Variants in ULK1 observed in about 807,000 individuals in gnomAD.
ULK1 encodes the protein serine/threonine-protein kinase ULK1.
Under a neutral mutation model 117.5 loss-of-function variants are expected in ULK1, and 48 were observed. The observed-to-expected ratio is 0.41, with a 90% CI of 0.32 to 0.52. The LOEUF (loss-of-function observed/expected upper bound fraction) is 0.52. ULK1 is among the 20% of genes least tolerant of loss of function. The pLI, the probability that ULK1 is intolerant of heterozygous loss-of-function variation, is 0.29. For missense variants in ULK1, 1,387 were observed against 1,473.4 expected (o/e 0.94, Z 0.96); for synonymous variants, 790 against 637.8 (o/e 1.24, Z -3.60).
At chr12:131,916,831 T>C (rs1360078581) in intron 20 of ULK1, 122 bp from the exon 21 acceptor site, 8 of 1,018,536 alleles carry the variant, frequency 7.9e-6, no homozygotes, top group Non-Finnish European at 1.1e-5. Context: ...CAGGAGCGCC[T>C]GCCTCTCGAG....
At chr12:131,905,425 T>C (rs1593262506) in intron 3 of ULK1, among the ~76,000 whole-genome samples, 1 of 151,574 alleles carries the variant, frequency 6.6e-6, no homozygotes, top group African/African-American at 2.4e-5. Flanking sequence ...CGCTGAGGGG[T>C]GTTCCTCCTG....
At position 131,902,777 on chromosome 12, in the gene ULK1, C is replaced by A. The variant is rs1889136507; in HGVS notation, c.247-4115C>A. 6.6e-6 allele frequency among the ~76,000 whole-genome samples: 1 copy of A among 152,060 alleles called. No homozygotes were observed. Among genetic ancestry groups the A allele is most frequent in the South Asian group, 2.1e-4 (1 of 4,828 alleles). ...ACTGTGTGTGTCACCACGGGACGGA[C>A]CCCCGGACCCTGTCTTGGGAGGCGA... On this transcript the variant is annotated intron_variant, in intron 3 of 27. Coordinates refer to ENST00000321867, the MANE Select transcript of ULK1 (RefSeq NM_003565.4). The surrounding 1 kb of genome is among the most constrained non-coding windows in gnomAD (Gnocchi z 6.3).
At position 131,920,103 on chromosome 12, in the gene ULK1, C is replaced by G. The variant is rs746124897; in HGVS notation, c.2928C>G (p.Ala976=). ...RLLDRIHSIT[A]ERLIFSHAVQ... ...TGGACCGCATTCACAGCATCACTGC[C>G]GAGAGGCTCATCTTCAGCCACGCTG... Residue 976 remains alanine (A), a synonymous_variant, in exon 26 of 28, where the codon GCC becomes GCG. Transcript: ENST00000321867. 1.9e-6 allele frequency: 3 copies of G among 1,612,686 alleles called. No individual in the cohort carries two copies. Among genetic ancestry groups the G allele is most frequent in the African/African-American group, 2.7e-5 (2 of 74,948 alleles).
rs541333651 is a variant in ULK1 at position 131,922,016 on chromosome 12, G to C, written c.*655G>C. On this transcript the variant is annotated 3_prime_UTR_variant, in exon 28 of 28. Coordinates refer to ENST00000321867, the MANE Select transcript of ULK1 (RefSeq NM_003565.4). ...ACCTCAGCGGGAGAACTGGCTCCGG[G>C]GGGAGTGGGGCCCTGCGCTAGAGGC... 3 of 454,776 alleles carry C rather than the reference G, an allele frequency of 6.6e-6. No individual in the cohort carries two copies. The highest frequency in any genetic ancestry group is 1.6e-5 in the South Asian group (1 of 64,488). 28.2% of individuals were successfully genotyped at this position (454,776 alleles called of 1,614,324 possible).
rs774901552 is a variant in ULK1, at chr12:131,919,197, G to A, written c.2512-15G>A. The A allele has an allele frequency of 8.2e-6, 13 of 1,585,294 alleles. No homozygotes were observed. Among genetic ancestry groups the A allele is most frequent in the Middle Eastern group, 2.3e-4 (1 of 4,382 alleles). Reference sequence around the variant, plus strand: ...CCCGGGCAGCACTTGCCGCCCTGACGGCCGCTTCCTGCAGCAAGAGCACAC... The same window carrying A: ...CCCGGGCAGCACTTGCCGCCCTGACAGCCGCTTCCTGCAGCAAGAGCACAC... On this transcript the variant is annotated splice_polypyrimidine_tract_variant and intron_variant, in intron 23 of 27. Transcript: ENST00000321867.
intron 16 of ULK1, among the ~76,000 whole-genome samples, chr12:131,914,730 G>A: frequency 6.6e-6 from 1 of 152,260 alleles, no homozygotes; most frequent in East Asian, 1.9e-4. Context: ...ACAGACAGAA[G>A]TAAATGGTGG....
At chr12:131,899,582 C>G (rs1288811631) in intron 3 of ULK1, among the ~76,000 whole-genome samples, 1 of 152,184 alleles carries the variant, frequency 6.6e-6, no homozygotes, top group African/African-American at 2.4e-5. Flanking sequence ...CCTCGAACAC[C>G]TGAGCTCAAG....
intron 16 of ULK1, among the ~76,000 whole-genome samples, chr12:131,914,806 A>T (rs1889699970): frequency 6.6e-6 from 1 of 152,066 alleles, no homozygotes; most frequent in East Asian, 1.9e-4. Flanking sequence ...CTGGCAGGGG[A>T]TGGAGACTTT....
rs1247906481 is a variant in ULK1 at position 131,922,408 on chromosome 12, C to T, written c.*1047C>T. 1 of 203,620 alleles carries T rather than the reference C, an allele frequency of 4.9e-6. No homozygotes were observed. The highest frequency in any genetic ancestry group is 1.0e-5 in the Non-Finnish European group (1 of 97,062). The allele number at this position is 203,620 out of a possible 1,614,324, so 12.6% of individuals were successfully genotyped here. A position where few individuals can be genotyped will look rare whatever the true frequency, so the allele number is the denominator to read the frequency against. ...AAGCAGATGAGGGGAATACTTCATG[C>T]AAAGAAAAAAGTAACATGTGCAAAA... On this transcript the variant is annotated 3_prime_UTR_variant, in exon 28 of 28. Transcript: ENST00000321867.
At position 131,895,100 on chromosome 12, in the gene ULK1, C is replaced by A; in HGVS notation, c.99C>A (p.Gly33=). 2 of 1,560,926 alleles carry A rather than the reference C, an allele frequency of 1.3e-6. No homozygotes were observed. The highest frequency in any genetic ancestry group is 8.6e-7 in the Non-Finnish European group (1 of 1,162,002). Residue 33 remains glycine, a synonymous_variant, in exon 1 of 28, where the codon GGC becomes GGA. Coordinates refer to ENST00000321867, the MANE Select transcript of ULK1 (RefSeq NM_003565.4). ...GHGAFAVVFK[G]RHREKHDLEV... ...GCGCCTTCGCGGTGGTCTTCAAGGG[C>A]CGCCACCGCGAGGTGAGGCCCCCGT... is the stretch of plus-strand genomic sequence containing the variant.
chr12:131,910,141 C>T, intron 10 of ULK1, 113 bp from the exon 11 acceptor site: 1 of 1,566,882 alleles, frequency 6.4e-7, no homozygotes, highest in Middle Eastern at 1.7e-4. Context: ...GCAGGGGCTC[C>T]ACCTCCGCCC....
In ULK1 at chr12:131,896,650, G is replaced by T. The variant is rs576084549; in HGVS notation, c.246+826G>T. 127 of 152,452 alleles carry T rather than the reference G, an allele frequency of 8.3e-4. 3 individuals are homozygous for T. In the South Asian group the frequency reaches 0.024, roughly 29 times the overall value. 9.4% of individuals were successfully genotyped at this position (152,452 alleles called of 1,614,324 possible). A position where few individuals can be genotyped will look rare whatever the true frequency, so the allele number is the denominator to read the frequency against. ...TTGTCACAAGGTGCCGGGTGGGGGG[G>T]GCCCAGGTCCAGCGAGTACCTGGAA... On this transcript the variant is annotated intron_variant, in intron 3 of 27. Coordinates refer to ENST00000321867, the MANE Select transcript of ULK1 (RefSeq NM_003565.4).
At chr12:131,907,379 A>G (rs1889317554) in intron 4 of ULK1, 116 bp from the exon 5 acceptor site, 1 of 1,327,014 alleles carries the variant, frequency 7.5e-7, no homozygotes, top group East Asian at 2.5e-5. Context: ...TGGGCTGGGC[A>G]GGTGCCTGCG....
chr12:131,919,231 T>C lies in ULK1; in HGVS notation c.2531T>C (p.Leu844Pro). ...CTGCAGCAAGAGCACACGGAGATCC[T>C]GCGTGGCCTGCGCTTCACGCTGCTG... The part of the protein sequence containing the change: ...TLMEQEHTEI[L>P]RGLRFTLLFV... Residue 844 changes from leucine (L) to proline (P), a missense_variant, in exon 24 of 28, where the codon CTG becomes CCG. By Grantham distance (98) the Leu-to-Pro change is moderately conservative. Around this residue, in one of 4 missense-constraint regions of ULK1, gnomAD observed 900 missense variants for 858.9 expected, o/e 1.05. Transcript: ENST00000321867. 1 of 1,596,462 alleles carries C rather than the reference T, an allele frequency of 6.3e-7. No individual in the cohort carries two copies. The highest frequency in any genetic ancestry group is 8.5e-7 in the Non-Finnish European group (1 of 1,177,368).
Position 131,895,829 on chromosome 12 carries a change from G to A in ULK1, c.246+5G>A, listed in dbSNP as rs1178142324. On this transcript the variant is annotated splice_donor_5th_base_variant and intron_variant, in intron 3 of 27. Coordinates refer to ENST00000321867, the MANE Select transcript of ULK1 (RefSeq NM_003565.4). ...GTGGCCCTGTACGACTTCCAGGTAA[G>A]GCCTCTGGGCTGCGGTCTGCTGGGG... is the stretch of plus-strand genomic sequence containing the variant. 6.2e-7 allele frequency: 1 copy of A among 1,614,058 alleles called. No homozygotes were observed. The highest frequency in any genetic ancestry group is 8.5e-7 in the Non-Finnish European group (1 of 1,180,022).
intron 19 of ULK1, 39 bp downstream of exon 19, chr12:131,916,198 T>TGGGGAAGATGTGTGGGAATGGCCA: frequency 6.3e-7 from 1 of 1,589,662 alleles, no homozygotes; most frequent in Non-Finnish European, 8.6e-7. Context: ...CACAGAGCCC[T>TGGGGAAGATGTGTGGGAATGGCCA]GGGGAAGATG....
In ULK1 at chr12:131,920,148, A is replaced by G; in HGVS notation, c.2961+12A>G. On this transcript the variant is annotated intron_variant, in intron 26 of 27. Coordinates refer to ENST00000321867, the MANE Select transcript of ULK1 (RefSeq NM_003565.4). ...ACGCTGTGCAGATGGTACGGGACAG[A>G]CAGACACCAGTGGGGCAGGGGCCAG... 1 of 1,608,410 alleles carries G rather than the reference A, an allele frequency of 6.2e-7. No individual in the cohort carries two copies. Among genetic ancestry groups the G allele is most frequent in the East Asian group, 2.2e-5 (1 of 44,782 alleles).
Position 131,921,105 on chromosome 12 carries a change from G to T in ULK1, c.2967G>T (p.Gln989His), listed in dbSNP as rs1416902202. 1 of 1,592,694 alleles carries T rather than the reference G, an allele frequency of 6.3e-7. No individual in the cohort carries two copies. The highest frequency in any genetic ancestry group is 1.3e-5 in the African/African-American group (1 of 74,726). Residue 989 changes from glutamine to histidine, a missense_variant, in exon 27 of 28, where the codon CAG becomes CAT. By Grantham distance (24) the Gln-to-His change is conservative. This residue lies in a region of ULK1 where 900 missense variants were observed against 858.9 expected (regional missense o/e 1.05). Transcript: ENST00000321867. ...GCCTCTGTCCTCGCCCCCAGGTGCA[G>T]TCGGCTGCCCTGGACGAGATGTTCC... Reference protein sequence around the residue: ...LIFSHAVQMVQSAALDEMFQH... With the variant: ...LIFSHAVQMVHSAALDEMFQH...
intron 24 of ULK1, 26 bp from the exon 25 acceptor site, chr12:131,919,443 GCCT>G (rs1445314092): frequency 1.3e-6 from 2 of 1,598,304 alleles, no homozygotes; most frequent in Non-Finnish European, 1.7e-6. Context: ...GGACCAACCG[GCCT>G]CCTCTGATCT....
Sources: gnomAD v4.1 joint callset for allele counts (sites outside exome capture counted in the v4.1 genomes callset) on GRCh38, gnomAD v4.1.1 for gene constraint, gnomAD v4.1.1 regional missense constraint, Gnocchi (gnomAD v3.1) non-coding constraint, MANE v1.5 for transcripts, NCBI Gene and HGNC (gene_info 2026-07-23, HGNC 2026-07-21) for gene names.